The following NDRG4 variants were observed in gnomAD, a reference collection of about 807,000 sequenced individuals.
The protein encoded by NDRG4 is protein NDRG4.
A neutral mutation model predicts 55.8 loss-of-function variants in NDRG4; 38 were observed. The observed-to-expected ratio is 0.68, with a 90% CI of 0.53 to 0.89. The LOEUF (loss-of-function observed/expected upper bound fraction) is 0.89. Ranked by LOEUF, NDRG4 falls within the 40% of genes least tolerant of loss-of-function variation. NDRG4 has a pLI of 0.00. For missense variants in NDRG4, 455 were observed against 468.6 expected (o/e 0.97, Z 0.27); for synonymous variants, 190 against 182.7 (o/e 1.04, Z -0.32).
At chr16:58,468,579 G>A (rs2032164746) in intron 1 of NDRG4, among the ~76,000 whole-genome samples, 1 of 152,190 alleles carries the variant, frequency 6.6e-6, no homozygotes. Context: ...AAATGAACCG[G>A]GCTTGGTGGT....
upstream of NDRG4, chr16:58,500,049 A>G: frequency 3.5e-6 from 5 of 1,415,056 alleles, no homozygotes; most frequent in Non-Finnish European, 4.7e-6. Flanking sequence ...GGCTCCTGGT[A>G]AGCGAGTGGC....
At chr16:58,477,046 G>A (rs955724787) in intron 1 of NDRG4, among the ~76,000 whole-genome samples, 38 of 151,784 alleles carry the variant, frequency 2.5e-4, no homozygotes, top group African/African-American at 9.0e-4. Flanking sequence ...ATCAAACGGG[G>A]GAAGCTAGAA....
At chr16:58,494,845 A>G (rs1567598485) in intron 2 of NDRG4, 1 of 804,608 alleles carries the variant, frequency 1.2e-6, no homozygotes, top group Non-Finnish European at 1.9e-6. Context: ...AAAAAAAAAA[A>G]AAGAAAAGAA....
At chr16:58,486,707 ACACACAC>A (rs2035122333) in intron 1 of NDRG4, among the ~76,000 whole-genome samples, 1 of 9,610 alleles carries the variant, frequency 1.0e-4, no homozygotes. Flanking sequence ...TCCTACACAC[ACACACAC>A]ACACACACAC....
Position 58,500,204 on chromosome 16 carries a change from T to C in NDRG4, c.-45T>C. On this transcript the variant is annotated 5_prime_UTR_variant, in exon 1 of 15. Coordinates refer to ENST00000570248, the MANE Select transcript of NDRG4 (RefSeq NM_001242835.2). Reference sequence around the variant, plus strand: ...CCTCTGGACCCGAGTGACTCAGGCCTTTGTTTGTCCTTCCTGGTAGAGGCG... The same window carrying C: ...CCTCTGGACCCGAGTGACTCAGGCCCTTGTTTGTCCTTCCTGGTAGAGGCG... The C allele has an allele frequency of 2.0e-6, 3 of 1,535,824 alleles. No individual in the cohort carries two copies. Among genetic ancestry groups the C allele is most frequent in the Non-Finnish European group, 2.6e-6 (3 of 1,146,724 alleles).
chr16:58,476,898 A>G (rs1047726225), intron 1 of NDRG4, among the ~76,000 whole-genome samples: 2 of 152,182 alleles, frequency 1.3e-5, no homozygotes, highest in Admixed American at 1.3e-4. Context: ...TAAGTACAAA[A>G]AAACCCCTGA....
intron 1 of NDRG4, among the ~76,000 whole-genome samples, chr16:58,469,285 G>A (rs2032321616): frequency 6.6e-6 from 1 of 151,398 alleles, no homozygotes; most frequent in Admixed American, 6.6e-5. Flanking sequence ...GGGGTGCTGT[G>A]ATGTTGATGT....
intron 1 of NDRG4, among the ~76,000 whole-genome samples, chr16:58,480,508 C>T (rs1419200564): frequency 6.6e-6 from 1 of 152,222 alleles, no homozygotes; most frequent in Non-Finnish European, 1.5e-5. Context: ...ACCAGAGTGG[C>T]CTCACCACCT....
intron 1 of NDRG4, among the ~76,000 whole-genome samples, chr16:58,471,369 C>T (rs572356602): frequency 7.2e-5 from 11 of 151,884 alleles, no homozygotes; most frequent in Non-Finnish European, 1.6e-4. Context: ...CAGGCCTCGG[C>T]CTGCACTGAG....
Position 58,500,149 on chromosome 16 carries a change from C to G in NDRG4, c.-100C>G. 1.3e-6 allele frequency: 2 copies of G among 1,535,130 alleles called. No homozygotes were observed. Among genetic ancestry groups the G allele is most frequent in the Non-Finnish European group, 1.7e-6 (2 of 1,146,452 alleles). Reference sequence around the variant, plus strand: ...CCAGGAGCTGTGCCCCATCACAGAGCCGACCATCTCCCACTCGAGCTGCCC... The same window carrying G: ...CCAGGAGCTGTGCCCCATCACAGAGGCGACCATCTCCCACTCGAGCTGCCC... On this transcript the variant is annotated 5_prime_UTR_variant, in exon 1 of 15. Transcript: ENST00000570248.
rs1416369282 is a variant in NDRG4 at position 58,513,366 on chromosome 16, C to T, written c.*1790C>T. 6.6e-6 allele frequency: 1 copy of T among 152,142 alleles called. No individual in the cohort carries two copies. The highest frequency in any genetic ancestry group is 2.4e-5 in the African/African-American group (1 of 41,416). The allele number at this position is 152,142 out of a possible 1,614,324, so 9.4% of individuals were successfully genotyped here. Reference sequence around the variant, plus strand: ...AAATGTAAAACAAAACTCTAGTCAACGTAGAAAGAGTTAACTGTGCTGAAA... The same window carrying T: ...AAATGTAAAACAAAACTCTAGTCAATGTAGAAAGAGTTAACTGTGCTGAAA... On this transcript the variant is annotated 3_prime_UTR_variant, in exon 15 of 15. Transcript: ENST00000570248.
rs1273300938 is a variant in NDRG4 at position 58,512,085 on chromosome 16, C to T, written c.*509C>T. The T allele has an allele frequency of 4.4e-6, 2 of 456,782 alleles. No homozygotes were observed. Among genetic ancestry groups the T allele is most frequent in the Admixed American group, 2.3e-5 (1 of 42,578 alleles). 28.3% of individuals were successfully genotyped at this position (456,782 alleles called of 1,614,324 possible). A position where few individuals can be genotyped will look rare whatever the true frequency, so the allele number is the denominator to read the frequency against. The stretch of plus-strand genomic sequence containing the variant: ...CATCTGGACAACAGCCACAAGGGGG[C>T]GCTCGGACCAGGCAGCCACTTTCCT... On this transcript the variant is annotated 3_prime_UTR_variant, in exon 15 of 15. Transcript: ENST00000570248.
rs1040909993 is a variant in NDRG4, at chr16:58,512,050, A to G, written c.*474A>G. 8 of 457,426 alleles carry G rather than the reference A, an allele frequency of 1.7e-5. No homozygotes were observed. The highest frequency in any genetic ancestry group is 3.1e-5 in the South Asian group (2 of 64,582). 28.3% of individuals were successfully genotyped at this position (457,426 alleles called of 1,614,324 possible). A position where few individuals can be genotyped will look rare whatever the true frequency, so the allele number is the denominator to read the frequency against. ...CACACCTGTTTCTGTCTCATAGCACATGTGACAATCATCTGGACAACAGCC... is the reference window on the plus strand; with the variant it reads ...CACACCTGTTTCTGTCTCATAGCACGTGTGACAATCATCTGGACAACAGCC... On this transcript the variant is annotated 3_prime_UTR_variant, in exon 15 of 15. Transcript: ENST00000570248.
In NDRG4 at chr16:58,507,874, C is replaced by G. The variant is rs777558634; in HGVS notation, c.677+10C>G. 2 of 1,614,052 alleles carry G rather than the reference C, an allele frequency of 1.2e-6. No individual in the cohort carries two copies. Among genetic ancestry groups the G allele is most frequent in the East Asian group, 4.5e-5 (2 of 44,880 alleles). ...ATGCCAAGACGCTCCGGTGAGTGGCCCCTGGCCCTCTGGCCTGCCCTGGCC... is the reference window on the plus strand; with the variant it reads ...ATGCCAAGACGCTCCGGTGAGTGGCGCCTGGCCCTCTGGCCTGCCCTGGCC... On this transcript the variant is annotated intron_variant, in intron 9 of 14. Coordinates refer to ENST00000570248, the MANE Select transcript of NDRG4 (RefSeq NM_001242835.2).
At chr16:58,466,751 C>G (rs555064566) in intron 1 of NDRG4, among the ~76,000 whole-genome samples, 3 of 152,332 alleles carry the variant, frequency 2.0e-5, no homozygotes, top group African/African-American at 7.2e-5. Flanking sequence ...CCATCAGTAG[C>G]CAGCTGTGTG....
At chr16:58,507,208 C>T (rs967558481) in intron 8 of NDRG4, 193 bp downstream of exon 8, 4 of 588,248 alleles carry the variant, frequency 6.8e-6, no homozygotes, top group Non-Finnish European at 9.1e-6. Context: ...GGGTTTCAGA[C>T]TCCGGGCCTT....
At chr16:58,506,276 C>A in intron 5 of NDRG4, 111 bp from the exon 6 acceptor site, 1 of 1,040,078 alleles carries the variant, frequency 9.6e-7, no homozygotes, top group Non-Finnish European at 1.5e-6. Flanking sequence ...CATGCACAGA[C>A]CCGGCTGTAG....
At chr16:58,483,685 T>G (rs1437924152) in intron 1 of NDRG4, among the ~76,000 whole-genome samples, 2 of 152,236 alleles carry the variant, frequency 1.3e-5, no homozygotes, top group African/African-American at 4.8e-5. Context: ...CAAAGTTATC[T>G]TAAATCGGCA....
intron 2 of NDRG4, among the ~76,000 whole-genome samples, chr16:58,489,969 C>T (rs751317186): frequency 4.6e-5 from 7 of 152,158 alleles, no homozygotes; most frequent in Non-Finnish European, 1.0e-4. Context: ...CTCAGCCTCC[C>T]GAGTAGCGAG....
Sources: gnomAD v4.1 joint callset for allele counts (sites outside exome capture counted in the v4.1 genomes callset) on GRCh38, gnomAD v4.1.1 for gene constraint, MANE v1.5 for transcripts, NCBI Gene and HGNC (gene_info 2026-07-23, HGNC 2026-07-21) for gene names.